DOCK10: variants seen among roughly 807,000 people sequenced by gnomAD.
DOCK10 encodes the protein dedicator of cytokinesis 10, also known as dedicator of cytokinesis protein 10.
In DOCK10, 145 loss-of-function variants were observed where a neutral mutation model predicts 280.1. The ratio of observed to expected loss-of-function variants is 0.52; its 90% confidence interval spans 0.45 to 0.59. The LOEUF is 0.59. DOCK10 is among the 20% of genes least tolerant of loss of function. The pLI is 0.00. For missense variants in DOCK10, 2,368 were observed against 2,651.7 expected (o/e 0.89, Z 2.35); for synonymous variants, 915 against 942.2 (o/e 0.97, Z 0.53).
intron 1 of DOCK10, among the ~76,000 whole-genome samples, chr2:224,940,106 C>G (rs936794647): frequency 6.6e-6 from 1 of 152,168 alleles, no homozygotes; most frequent in East Asian, 1.9e-4. Context: ...CAACGCTTTC[C>G]TGCCGAACTC....
rs934776055 is a variant in DOCK10 at position 224,985,990 on chromosome 2, A to G, written c.124-54322T>C. ...GTAAGAGCCGTGTGTCTAAATCTAT[A>G]TATCTAATCTATTGCAAAATACCTA... On this transcript the variant is annotated intron_variant, in intron 1 of 55. Transcript: ENST00000258390. Among the ~76,000 whole-genome samples the G allele has an allele frequency of 1.2e-4, 18 of 152,306 alleles. No homozygotes were observed. The East Asian group carries it at 3.3e-3, about 28-fold the overall frequency.
intron 1 of DOCK10, among the ~76,000 whole-genome samples, chr2:224,976,625 G>A (rs1705454855): frequency 6.7e-6 from 1 of 148,506 alleles, no homozygotes; most frequent in African/African-American, 2.5e-5. Context: ...AAAAAACCAA[G>A]TTCCCTGGTA....
At chr2:225,035,707 A>G (rs1690242339) in intron 1 of DOCK10, among the ~76,000 whole-genome samples, 1 of 150,588 alleles carries the variant, frequency 6.6e-6, no homozygotes, top group African/African-American at 2.4e-5. Flanking sequence ...ATAACATAAC[A>G]TAGTCTGGGT....
intron 3 of DOCK10, among the ~76,000 whole-genome samples, chr2:224,901,347 C>T: frequency 6.6e-6 from 1 of 152,220 alleles, no homozygotes; most frequent in East Asian, 1.9e-4. Context: ...GCCAGCTCCT[C>T]ATCCCCTTTC....
chr2:224,768,239 T>C (rs1690187171), intron 55 of DOCK10, among the ~76,000 whole-genome samples: 1 of 152,160 alleles, frequency 6.6e-6, no homozygotes, highest in African/African-American at 2.4e-5. Context: ...AAGTGTTCAA[T>C]AGAATTTTTT....
At chr2:224,923,224 T>G (rs1701868256) in intron 2 of DOCK10, among the ~76,000 whole-genome samples, 1 of 152,224 alleles carries the variant, frequency 6.6e-6, no homozygotes, top group Non-Finnish European at 1.5e-5. Context: ...TTGATAGCAG[T>G]CATTCCAGCC....
intron 19 of DOCK10, among the ~76,000 whole-genome samples, chr2:224,846,327 C>G (rs1696349393): frequency 6.6e-6 from 1 of 152,122 alleles, no homozygotes; most frequent in Non-Finnish European, 1.5e-5. Flanking sequence ...ATTGAATAAA[C>G]AGTAAGTCCG....
At chr2:224,804,034 C>G (rs2125199543) in intron 39 of DOCK10, 78 bp downstream of exon 39, 2 of 686,342 alleles carry the variant, frequency 2.9e-6, no homozygotes, top group East Asian at 2.8e-5. Context: ...GTGTGTGTGT[C>G]TACCCCTGAC....
intron 1 of DOCK10, among the ~76,000 whole-genome samples, chr2:224,984,129 T>C (rs1705892000): frequency 6.7e-6 from 1 of 148,888 alleles, no homozygotes; most frequent in South Asian, 2.2e-4. Flanking sequence ...CCAGGACATA[T>C]CTCTCTCCAA....
rs117432514 is a variant in DOCK10, at chr2:224,923,463, G to A, written c.244-6679C>T. Among the ~76,000 whole-genome samples, 4 of 152,282 alleles carry A rather than the reference G, an allele frequency of 2.6e-5. No individual in the cohort carries two copies. In the East Asian group the frequency reaches 5.8e-4, roughly 22 times the overall value. Reference sequence around the variant, plus strand: ...GGAAGATGTGAGCATTAATAGAAACGAGGTGCTCCAACAATATAAAGACAC... The same window carrying A: ...GGAAGATGTGAGCATTAATAGAAACAAGGTGCTCCAACAATATAAAGACAC... On this transcript the variant is annotated intron_variant, in intron 2 of 55. Coordinates refer to ENST00000258390, the MANE Select transcript of DOCK10 (RefSeq NM_014689.3).
intron 39 of DOCK10, among the ~76,000 whole-genome samples, chr2:224,803,592 G>C (rs1005136593): frequency 3.3e-5 from 5 of 152,194 alleles, no homozygotes; most frequent in Admixed American, 6.5e-5. Context: ...AGTCAAACCA[G>C]TCTAATGACT....
intron 40 of DOCK10, 37 bp downstream of exon 40, chr2:224,801,878 TG>T: frequency 6.2e-7 from 1 of 1,605,916 alleles, no homozygotes; most frequent in South Asian, 1.1e-5. Flanking sequence ...AGAGAAAAAC[TG>T]GTAACCATCT....
chr2:224,885,536 A>C, intron 7 of DOCK10, 135 bp downstream of exon 7: 1 of 857,972 alleles, frequency 1.2e-6, no homozygotes. Flanking sequence ...GTAGAGATCC[A>C]GGCTGCCTTG....
At chr2:224,899,385 G>A (rs1290475608) in intron 3 of DOCK10, among the ~76,000 whole-genome samples, 2 of 152,034 alleles carry the variant, frequency 1.3e-5, no homozygotes, top group African/African-American at 2.4e-5. Flanking sequence ...TAGGTTACCC[G>A]GAGTTGCTCT....
At chr2:224,977,537 G>C (rs901382531) in intron 1 of DOCK10, among the ~76,000 whole-genome samples, 7 of 152,158 alleles carry the variant, frequency 4.6e-5, no homozygotes, top group Admixed American at 6.5e-5. Flanking sequence ...AATTGAATTA[G>C]TGTCTGAGAA....
intron 4 of DOCK10, among the ~76,000 whole-genome samples, chr2:224,887,543 G>C (rs895021923): frequency 6.6e-6 from 1 of 152,154 alleles, no homozygotes; most frequent in Non-Finnish European, 1.5e-5. Flanking sequence ...ACTAATGGTT[G>C]AATGGAAACC....
In DOCK10 at chr2:224,772,184, G is replaced by C. The variant is rs183937594; in HGVS notation, c.6204+973C>G. 8.5e-5 allele frequency among the ~76,000 whole-genome samples: 13 copies of C among 152,248 alleles called. No individual in the cohort carries two copies. In the South Asian group the frequency reaches 2.7e-3, roughly 32 times the overall value. On this transcript the variant is annotated intron_variant, in intron 53 of 55. Coordinates refer to ENST00000258390, the MANE Select transcript of DOCK10 (RefSeq NM_014689.3). ...GATCCATCCATCTCGGCCTCCCAAA[G>C]TGTTGGGATTACAGGCATGAGCCAC... is the stretch of plus-strand genomic sequence containing the variant.
chr2:224,866,697 C>T (rs1252327184), intron 11 of DOCK10, among the ~76,000 whole-genome samples: 1 of 152,070 alleles, frequency 6.6e-6, no homozygotes, highest in Non-Finnish European at 1.5e-5. Flanking sequence ...TCCCTTCTCT[C>T]TTATTTTGAT....
chr2:224,995,695 A>C (rs1401974036), intron 1 of DOCK10, among the ~76,000 whole-genome samples: 1 of 152,230 alleles, frequency 6.6e-6, no homozygotes, highest in East Asian at 1.9e-4. Context: ...GCTTTTAAAA[A>C]AGCATGGTTA....
Sources: allele counts gnomAD v4.1 joint callset (sites outside exome capture counted in the v4.1 genomes callset), GRCh38; gene constraint gnomAD v4.1.1; transcripts MANE v1.5; gene names NCBI Gene and HGNC (gene_info 2026-07-23, HGNC 2026-07-21).